ABCD4: variants seen among roughly 807,000 people sequenced by gnomAD.
ABCD4 encodes ATP binding cassette subfamily D member 4.
ABCD4 carries 53 observed loss-of-function variants against 86.3 expected under a neutral mutation model. The ratio of observed to expected loss-of-function variants is 0.61; its 90% CI spans 0.49 to 0.77. The LOEUF (loss-of-function observed/expected upper bound fraction) is 0.77, where lower values mean the gene tolerates loss of function less well. Ranked by LOEUF, ABCD4 falls within the 30% of genes least tolerant of loss-of-function variation. The pLI is 0.00. For missense variants in ABCD4, 757 were observed against 764.5 expected (o/e 0.99, Z 0.12); for synonymous variants, 328 against 313.6 (o/e 1.05, Z -0.49).
At chr14:74,290,525 G>A in intron 11 of ABCD4, 26 bp from the exon 12 acceptor site, 2 of 1,593,120 alleles carry the variant, frequency 1.3e-6, no homozygotes, top group Non-Finnish European at 8.6e-7. Flanking sequence ...GAGGGGGCGT[G>A]AGGAAGATGG....
intron 9 of ABCD4, 23 bp from the exon 10 acceptor site, chr14:74,292,665 A>G: frequency 6.2e-7 from 1 of 1,614,076 alleles, no homozygotes; most frequent in South Asian, 1.1e-5. Context: ...GGAAGAGGTC[A>G]AGCAGGTCTC....
intron 17 of ABCD4, 27 bp from the exon 18 acceptor site, chr14:74,286,843 G>A: frequency 1.2e-6 from 2 of 1,603,530 alleles, no homozygotes; most frequent in Non-Finnish European, 1.7e-6. Context: ...CAGAGGAAGA[G>A]ATCAAAGCCC....
chr14:74,299,012 G>C (rs934140881), intron 3 of ABCD4: 5 of 155,844 alleles, frequency 3.2e-5, no homozygotes, highest in African/African-American at 1.2e-4. Flanking sequence ...GGCAGAGTTT[G>C]GTGGAGGAGA....
chr14:74,299,305 T>G (rs2083686054), intron 3 of ABCD4: 5 of 438,502 alleles, frequency 1.1e-5, no homozygotes, highest in Non-Finnish European at 1.7e-5. Context: ...TGCTAAATGC[T>G]GAATTAAACC....
intron 7 of ABCD4, chr14:74,294,857 C>A: frequency 2.2e-6 from 1 of 462,378 alleles, no homozygotes; most frequent in African/African-American, 2.0e-5. Flanking sequence ...GGATGTCTTA[C>A]AGTCACCAGC....
chr14:74,292,920 A>G (rs769466829), intron 8 of ABCD4, 51 bp from the exon 9 acceptor site: 3 of 1,612,156 alleles, frequency 1.9e-6, no homozygotes, highest in Middle Eastern at 1.7e-4. Context: ...CATGCCCTAC[A>G]GCGGACACAA....
At position 74,299,530 on chromosome 14, in the gene ABCD4, G is replaced by C. The variant is rs2083766211; in HGVS notation, c.285+18C>G. On this transcript the variant is annotated intron_variant, in intron 3 of 18. Coordinates refer to ENST00000356924, the MANE Select transcript of ABCD4 (RefSeq NM_005050.4). ...GACTGGAGAGGACGAGAGACACAGA[G>C]AGAGGGAAAGATCTTACCGTGGAGT... is the stretch of plus-strand genomic sequence containing the variant. The C allele has an allele frequency of 1.9e-6, 3 of 1,612,532 alleles. No homozygotes were observed. The highest frequency in any genetic ancestry group is 3.3e-5 in the Admixed American group (2 of 59,940).
chr14:74,293,603 CTAAATA>C (rs2082111514), intron 7 of ABCD4: 1 of 181,464 alleles, frequency 5.5e-6, no homozygotes, highest in Non-Finnish European at 1.1e-5. Context: ...TTAAAAGTTT[CTAAATA>C]TAAAGTGCCA....
chr14:74,288,301 G>A, intron 15 of ABCD4, 42 bp from the exon 16 acceptor site: 1 of 1,577,916 alleles, frequency 6.3e-7, no homozygotes. Context: ...GAAATGGCCA[G>A]CCCTGCTACC....
chr14:74,292,143 C>A, intron 11 of ABCD4, 144 bp downstream of exon 11: 1 of 765,898 alleles, frequency 1.3e-6, no homozygotes, highest in Non-Finnish European at 2.2e-6. Context: ...CGACTGTGAA[C>A]TTACATGTGC....
chr14:74,287,701 G>A (rs373808647), intron 17 of ABCD4, 109 bp downstream of exon 17: 184 of 1,057,658 alleles, frequency 1.7e-4, no homozygotes, highest in Middle Eastern at 2.9e-4. Flanking sequence ...CAGGGAATGC[G>A]GAGAAGCCCA....
rs1433817859 is a variant in ABCD4, at chr14:74,302,822, C to T, written c.38+53G>A. 5 of 1,571,332 alleles carry T rather than the reference C, an allele frequency of 3.2e-6. No individual in the cohort carries two copies. The South Asian group carries it at 4.7e-5, about 15-fold the overall frequency. On this transcript the variant is annotated intron_variant, in intron 1 of 18. Coordinates refer to ENST00000356924, the MANE Select transcript of ABCD4 (RefSeq NM_005050.4). ...GCACGGAGGGCAGGAAAGCCCATTCCCTACAGCCCGGAACTCCTGCTCCCA... is the reference window on the plus strand; with the variant it reads ...GCACGGAGGGCAGGAAAGCCCATTCTCTACAGCCCGGAACTCCTGCTCCCA...
intron 6 of ABCD4, 142 bp from the exon 7 acceptor site, chr14:74,295,340 G>T (rs2082583217): frequency 5.5e-6 from 5 of 910,012 alleles, no homozygotes; most frequent in Non-Finnish European, 6.8e-6. Flanking sequence ...CCCTTTCCTG[G>T]ACTGTTATGG....
At chr14:74,291,181 C>T (rs946873299) in intron 11 of ABCD4, among the ~76,000 whole-genome samples, 19 of 152,190 alleles carry the variant, frequency 1.2e-4, no homozygotes, top group African/African-American at 4.6e-4. Flanking sequence ...GATCGTGGAC[C>T]ATAAGCATCC....
chr14:74,292,627 T>C lies in ABCD4; in HGVS notation c.952A>G (p.Ile318Val). Reference protein sequence around the residue: ...TLVSKNAFVCIYLISCFTQLI... With the variant: ...TLVSKNAFVCVYLISCFTQLI... Reference sequence around the variant, plus strand: ...TGGGTGAAGCAGCTGATGAGGTAGATGCACACAAAGGCATTCTGGACAGGA... The same window carrying C: ...TGGGTGAAGCAGCTGATGAGGTAGACGCACACAAAGGCATTCTGGACAGGA... Residue 318 changes from isoleucine to valine, a missense_variant, in exon 10 of 19, where the codon ATC (isoleucine) becomes GTC (valine). By Grantham distance (29) the Ile-to-Val change is conservative (BLOSUM62 3). Transcript: ENST00000356924. 2 of 1,613,632 alleles carry C rather than the reference T, an allele frequency of 1.2e-6. No homozygotes were observed. The highest frequency in any genetic ancestry group is 1.7e-6 in the Non-Finnish European group (2 of 1,179,918).
intron 8 of ABCD4, 85 bp downstream of exon 8, chr14:74,293,069 T>C: frequency 6.7e-7 from 1 of 1,490,644 alleles, no homozygotes; most frequent in East Asian, 2.3e-5. Context: ...CATTTATCCT[T>C]GCAGACAGGA....
rs2082000827 is a variant in ABCD4, at chr14:74,293,189, T to C, written c.779A>G (p.Gln260Arg). 6.2e-7 allele frequency: 1 copy of C among 1,614,204 alleles called. No individual in the cohort carries two copies. Among genetic ancestry groups the C allele is most frequent in the East Asian group, 2.2e-5 (1 of 44,882 alleles). The change falls in exon 8 of 19, where the codon CAG becomes CGG. Residue 260 changes from glutamine to arginine, a missense_variant. By Grantham distance (43) the Gln-to-Arg change is conservative. Transcript: ENST00000356924. ...DRRLQRLLQT[Q>R]RELMSKELWL... Reference sequence around the variant, plus strand: ...GAGCTCCTTGGACATCAGCTCCCTCTGGGTCTGAAGGAGTCTCTGCAGCCT... The same window carrying C: ...GAGCTCCTTGGACATCAGCTCCCTCCGGGTCTGAAGGAGTCTCTGCAGCCT...
intron 4 of ABCD4, 122 bp from the exon 5 acceptor site, chr14:74,296,571 T>C: frequency 2.4e-6 from 2 of 835,720 alleles, no homozygotes; most frequent in Admixed American, 2.3e-5. Context: ...ACACTGACCC[T>C]ATGGGAAGAG....
chr14:74,300,443 T>C (rs1177113272), intron 1 of ABCD4, among the ~76,000 whole-genome samples, 175 bp from the exon 2 acceptor site: 2 of 151,788 alleles, frequency 1.3e-5, no homozygotes, highest in African/African-American at 4.8e-5. Context: ...AGGAAATTCT[T>C]TGGCCAAGCG....
Sources: allele counts gnomAD v4.1 joint callset (sites outside exome capture counted in the v4.1 genomes callset), GRCh38; gene constraint gnomAD v4.1.1; transcripts MANE v1.5; gene names NCBI Gene and HGNC (gene_info 2026-07-23, HGNC 2026-07-21).